CNTN5: variants seen among roughly 807,000 people sequenced by gnomAD.
CNTN5 encodes contactin 5.
In CNTN5, 77 loss-of-function variants were observed where a neutral mutation model predicts 129.1. The observed-to-expected ratio is 0.60, with a 90% CI of 0.50 to 0.72. CNTN5 has a LOEUF of 0.72. CNTN5 is among the 30% of genes least tolerant of loss of function. CNTN5 has a pLI of 0.00. For missense variants in CNTN5, 1,478 were observed against 1,328.8 expected (o/e 1.11, Z -1.75); for synonymous variants, 509 against 465.6 (o/e 1.09, Z -1.20).
chr11:99,285,688 A>G (rs545132784), intron 1 of CNTN5, among the ~76,000 whole-genome samples: 9 of 152,250 alleles, frequency 5.9e-5, no homozygotes, highest in South Asian at 4.1e-4. Context: ...ATGATATGCC[A>G]CAGAAGGAAG....
At chr11:100,148,018 T>TTTATCTCATTCA (rs1351666696) in intron 13 of CNTN5, among the ~76,000 whole-genome samples, 6 of 152,190 alleles carry the variant, frequency 3.9e-5, no homozygotes, top group Non-Finnish European at 7.3e-5. Context: ...ACTTAACCCC[T>TTTATCTCATTCA]TTATCTCATT....
chr11:99,106,498 C>T lies in CNTN5; in HGVS notation c.-210+85228C>T, dbSNP rs138634695. ...GGAGAATATTAAATGGAATGTAGTT[C>T]CTATAATTATTTTCTTAAGAGTGAT... On this transcript the variant is annotated intron_variant, in intron 1 of 24. Coordinates refer to ENST00000524871, the MANE Select transcript of CNTN5 (RefSeq NM_014361.4). Among the ~76,000 whole-genome samples, 912 of 150,978 alleles carry T rather than the reference C, an allele frequency of 6.0e-3. 2 individuals carry two copies. Among genetic ancestry groups the T allele is most frequent in the Non-Finnish European group, 9.5e-3 (645 of 67,802 alleles).
In CNTN5 at chr11:100,308,353, AT is replaced by A. The variant is rs1471591545; in HGVS notation, c.2621-5del. The stretch of plus-strand genomic sequence containing the variant: ...TTATAATTGTGGTTTATTTTCCTTC[AT>A]ACAGAACCCAGTGCTGCTCCCACAG... On this transcript the variant is annotated splice_polypyrimidine_tract_variant and splice_region_variant and intron_variant, in intron 20 of 24. Transcript: ENST00000524871. The A allele has an allele frequency of 2.9e-5, 46 of 1,608,234 alleles. No homozygotes were observed. The highest frequency in any genetic ancestry group is 3.9e-5 in the Non-Finnish European group (46 of 1,176,958).
intron 7 of CNTN5, among the ~76,000 whole-genome samples, chr11:99,920,506 A>G (rs1949910369): frequency 6.6e-6 from 1 of 151,714 alleles, no homozygotes. Context: ...CTAAATCTGA[A>G]CTCCTGGTTA....
At chr11:99,037,333 T>A (rs1863785929) in intron 1 of CNTN5, among the ~76,000 whole-genome samples, 1 of 152,168 alleles carries the variant, frequency 6.6e-6, no homozygotes, top group Non-Finnish European at 1.5e-5. Flanking sequence ...CTAAAAGCTT[T>A]AATCGTTTCT....
chr11:100,346,454 G>A (rs566967100), intron 23 of CNTN5, among the ~76,000 whole-genome samples: 203 of 152,206 alleles, frequency 1.3e-3, no homozygotes, highest in African/African-American at 4.7e-3. Flanking sequence ...TTATGCTTGA[G>A]TGAAAGGGAA....
At chr11:100,114,486 T>G (rs1374521296) in intron 13 of CNTN5, among the ~76,000 whole-genome samples, 2 of 152,034 alleles carry the variant, frequency 1.3e-5, no homozygotes, top group African/African-American at 4.8e-5. Flanking sequence ...CATTAAAATA[T>G]TTTTTGTTTT....
At chr11:99,734,362 G>C (rs77105751) in intron 3 of CNTN5, among the ~76,000 whole-genome samples, 2 of 151,940 alleles carry the variant, frequency 1.3e-5, no homozygotes, top group Non-Finnish European at 2.9e-5. Flanking sequence ...GTAAGCATTA[G>C]CAATCCTATC....
At chr11:99,149,712 A>G (rs1385008682) in intron 1 of CNTN5, among the ~76,000 whole-genome samples, 3 of 152,150 alleles carry the variant, frequency 2.0e-5, no homozygotes, top group Middle Eastern at 3.2e-3. Context: ...GCTTCTATCT[A>G]TGGATGTCCC....
chr11:99,828,813 C>A (rs970846298), intron 4 of CNTN5, among the ~76,000 whole-genome samples: 8 of 152,088 alleles, frequency 5.3e-5, no homozygotes, highest in Middle Eastern at 3.4e-3. Flanking sequence ...GTATTTTAGT[C>A]ACAGATATTA....
At chr11:99,884,535 C>T (rs184928024) in intron 6 of CNTN5, among the ~76,000 whole-genome samples, 1 of 152,244 alleles carries the variant, frequency 6.6e-6, no homozygotes, top group African/African-American at 2.4e-5. Context: ...TTTAAAGATG[C>T]AGTGGCTGAG....
At position 99,971,720 on chromosome 11, in the gene CNTN5, G is replaced by A. The variant is rs560797489; in HGVS notation, c.877+14711G>A. ...CCCACAGATTGAAATTATATAAATC[G>A]AAATTATGGTCAAAGAATAATGTTT... is the stretch of plus-strand genomic sequence containing the variant. On this transcript the variant is annotated intron_variant, in intron 8 of 24. Transcript: ENST00000524871. Among the ~76,000 whole-genome samples, 138 of 151,816 alleles carry A rather than the reference G, an allele frequency of 9.1e-4. 1 individual carries two copies. In the South Asian group the frequency reaches 0.012, roughly 13 times the overall value.
chr11:100,310,321 C>A (rs1228239551), intron 21 of CNTN5, among the ~76,000 whole-genome samples: 1 of 151,844 alleles, frequency 6.6e-6, no homozygotes, highest in South Asian at 2.1e-4. Flanking sequence ...CTTATATAGC[C>A]AGTCACCCTC....
At chr11:99,439,815 G>A (rs893859992) in intron 2 of CNTN5, among the ~76,000 whole-genome samples, 3 of 151,476 alleles carry the variant, frequency 2.0e-5, no homozygotes, top group South Asian at 2.1e-4. Context: ...GCATCTTGCC[G>A]CTGTCCAACA....
chr11:100,115,556 A>G (rs1227324956), intron 13 of CNTN5, among the ~76,000 whole-genome samples: 1 of 152,028 alleles, frequency 6.6e-6, no homozygotes, highest in Non-Finnish European at 1.5e-5. Flanking sequence ...ACGCCAGCAG[A>G]ATGTAAATGT....
At chr11:99,690,893 A>AT (rs1395745914) in intron 3 of CNTN5, among the ~76,000 whole-genome samples, 1 of 151,700 alleles carries the variant, frequency 6.6e-6, no homozygotes, top group Non-Finnish European at 1.5e-5. Flanking sequence ...TGGTCTTGGG[A>AT]TTTTTTTGGT....
chr11:99,497,077 A>G (rs566586886), intron 2 of CNTN5, among the ~76,000 whole-genome samples: 61 of 152,322 alleles, frequency 4.0e-4, no homozygotes, highest in African/African-American at 1.3e-3. Flanking sequence ...GAGGATTGAA[A>G]GAGAAAATAT....
At chr11:100,013,366 A>T (rs1301514592) in intron 9 of CNTN5, among the ~76,000 whole-genome samples, 1 of 152,178 alleles carries the variant, frequency 6.6e-6, no homozygotes, top group East Asian at 1.9e-4. Flanking sequence ...TAGTATATCC[A>T]TCAGAAGTTT....
At chr11:99,481,342 C>T (rs1945593201) in intron 2 of CNTN5, among the ~76,000 whole-genome samples, 1 of 152,106 alleles carries the variant, frequency 6.6e-6, no homozygotes, top group African/African-American at 2.4e-5. Flanking sequence ...TGTTCTTAAG[C>T]AACCAAATCT....
Sources: allele counts gnomAD v4.1 joint callset (sites outside exome capture counted in the v4.1 genomes callset), GRCh38; gene constraint gnomAD v4.1.1; transcripts MANE v1.5; gene names NCBI Gene and HGNC (gene_info 2026-07-23, HGNC 2026-07-21).